AREG: variants seen among roughly 807,000 people sequenced by gnomAD.
AREG encodes amphiregulin B.
In AREG, 16 loss-of-function variants were observed where a neutral mutation model predicts 28.0. The observed-to-expected ratio is 0.57, with a 90% CI of 0.39 to 0.87. AREG has a LOEUF of 0.87. Ranked by LOEUF, AREG falls within the 40% of genes least tolerant of loss-of-function variation. The pLI is 0.00. For missense variants in AREG, 287 were observed against 309.1 expected (o/e 0.93, Z 0.53); for synonymous variants, 113 against 113.5 (o/e 1.00, Z 0.02).
chr4:74,450,546 A>G lies in AREG; in HGVS notation c.665+14A>G, dbSNP rs1281314949. ...TATTACAGTCCAGTAAGTATGACAT[A>G]ACTTACAAATTCTTAATAAAATAAT... On this transcript the variant is annotated intron_variant, in intron 4 of 5. Coordinates refer to ENST00000395748, the MANE Select transcript of AREG (RefSeq NM_001657.4). 6 of 1,612,588 alleles carry G rather than the reference A, an allele frequency of 3.7e-6. No homozygotes were observed. The highest frequency in any genetic ancestry group is 5.1e-6 in the Non-Finnish European group (6 of 1,179,582).
intron 2 of AREG, among the ~76,000 whole-genome samples, chr4:74,447,087 A>G (rs929435326): frequency 6.6e-6 from 1 of 152,216 alleles, no homozygotes; most frequent in Non-Finnish European, 1.5e-5. Context: ...TCTAGGTTCT[A>G]CAGGTGACAA....
At chr4:74,452,017 TAAC>T (rs1279463355) in intron 4 of AREG, among the ~76,000 whole-genome samples, 2 of 152,200 alleles carry the variant, frequency 1.3e-5, no homozygotes, top group Non-Finnish European at 2.9e-5. Flanking sequence ...AAAGACCTCC[TAAC>T]AACAGGGGGT....
intron 3 of AREG, among the ~76,000 whole-genome samples, chr4:74,449,482 A>G (rs902155304): frequency 6.6e-6 from 1 of 152,232 alleles, no homozygotes; most frequent in Admixed American, 6.5e-5. Flanking sequence ...GCAGTGGTTC[A>G]CACCTGTATT....
In AREG at chr4:74,449,268, A is replaced by T. The variant is rs1166002594; in HGVS notation, c.512+20A>T. On this transcript the variant is annotated intron_variant, in intron 3 of 5. Transcript: ENST00000395748. ...ATGCAAGTAAGTTTTCCTAAAGCAT[A>T]TAGAATTTTGTATTTCTAGCACCAT... 1 of 1,613,496 alleles carries T rather than the reference A, an allele frequency of 6.2e-7. No individual in the cohort carries two copies. Among genetic ancestry groups the T allele is most frequent in the African/African-American group, 1.3e-5 (1 of 74,894 alleles).
chr4:74,454,672 A>G (rs1719434532), intron 5 of AREG, 87 bp from the exon 6 acceptor site: 6 of 582,380 alleles, frequency 1.0e-5, no homozygotes, highest in Non-Finnish European at 1.8e-5. Context: ...ATTATGCTTT[A>G]AAGTTTCTTA....
chr4:74,449,069 C>A lies in AREG; in HGVS notation c.333C>A (p.Pro111=), dbSNP rs894068068. ...SVRVEQVVKP[P]QNKTESENTS... is the part of the protein sequence containing the mutation. ...TAGTTGAACAGGTAGTTAAGCCCCC[C>A]CAAAACAAGACGGAAAGTGAAAATA... is the stretch of plus-strand genomic sequence containing the variant. The change falls in exon 3 of 6, where the codon CCC becomes CCA. Residue 111 remains proline (P), a synonymous_variant. Transcript: ENST00000395748. The A allele has an allele frequency of 2.3e-5, 37 of 1,609,496 alleles. No individual in the cohort carries two copies. Among genetic ancestry groups the A allele is most frequent in the East Asian group, 2.0e-4 (9 of 44,694 alleles).
chr4:74,449,934 T>TCTCTCTC, intron 3 of AREG, among the ~76,000 whole-genome samples: 1 of 117,352 alleles, frequency 8.5e-6, no homozygotes, highest in African/African-American at 3.6e-5. Flanking sequence ...CTCTCTCTCT[T>TCTCTCTC]TCTTTCTATA....
rs1186008003 is a variant in AREG at position 74,446,619 on chromosome 4, T to C, written c.147T>C (p.Phe49=). The change falls in exon 2 of 6, where the codon TTT becomes TTC. Residue 49 remains phenylalanine, a synonymous_variant. Transcript: ENST00000395748. ...CTGGGGACCACAGTGCTGATGGATT[T>C]GAGGTTACCTCAAGAAGTGAGATGT... is the stretch of plus-strand genomic sequence containing the variant. ...PFSGDHSADG[F]EVTSRSEMSS... The C allele has an allele frequency of 6.2e-7, 1 of 1,614,000 alleles. No individual in the cohort carries two copies.
rs1285836269 is a variant in AREG at position 74,445,419 on chromosome 4, C to T, written c.61+13C>T. 19 of 1,605,516 alleles carry T rather than the reference C, an allele frequency of 1.2e-5. No homozygotes were observed. Among genetic ancestry groups the T allele is most frequent in the Non-Finnish European group, 1.5e-5 (18 of 1,176,788 alleles). On this transcript the variant is annotated intron_variant, in intron 1 of 5. Coordinates refer to ENST00000395748, the MANE Select transcript of AREG (RefSeq NM_001657.4). ...ATACTCGGCTCAGGTGAGGATTCAC[C>T]GGCGCTGAACTGCTGGGCTCTCCTC...
In AREG at chr4:74,449,067, C is replaced by T. The variant is rs943567737; in HGVS notation, c.331C>T (p.Pro111Ser). Residue 111 changes from proline to serine, a missense_variant, in exon 3 of 6, where the codon CCC becomes TCC. Pro to Ser is a moderately conservative substitution (Grantham distance 74). Coordinates refer to ENST00000395748, the MANE Select transcript of AREG (RefSeq NM_001657.4). ...TTTAGTTGAACAGGTAGTTAAGCCC[C>T]CCCAAAACAAGACGGAAAGTGAAAA... ...SVRVEQVVKP[P>S]QNKTESENTS... 47 of 1,609,328 alleles carry T rather than the reference C, an allele frequency of 2.9e-5. No homozygotes were observed. The highest frequency in any genetic ancestry group is 4.0e-5 in the Non-Finnish European group (47 of 1,179,272).
intron 2 of AREG, 84 bp downstream of exon 2, chr4:74,446,866 C>T (rs1719299889): frequency 6.8e-6 from 11 of 1,606,540 alleles, no homozygotes; most frequent in Non-Finnish European, 9.3e-6. Flanking sequence ...AGCTGCTCCC[C>T]AGATTTTCTA....
At chr4:74,453,538 G>A (rs1346793583) in intron 5 of AREG, among the ~76,000 whole-genome samples, 1 of 152,124 alleles carries the variant, frequency 6.6e-6, no homozygotes, top group Non-Finnish European at 1.5e-5. Flanking sequence ...TCAGAAGAAG[G>A]AACTTTATTT....
At chr4:74,453,749 A>G (rs900996824) in intron 5 of AREG, among the ~76,000 whole-genome samples, 2 of 152,102 alleles carry the variant, frequency 1.3e-5, no homozygotes, top group African/African-American at 4.8e-5. Flanking sequence ...TAAATATACA[A>G]AATTTTCTAA....
chr4:74,452,401 C>T (rs1025346882), intron 4 of AREG, 143 bp from the exon 5 acceptor site: 2 of 880,412 alleles, frequency 2.3e-6, no homozygotes, highest in Non-Finnish European at 3.6e-6. Context: ...TATTTTATAG[C>T]CAGGTTTAGG....
At chr4:74,448,893 T>C (rs1257858650) in intron 2 of AREG, 154 bp from the exon 3 acceptor site, 10 of 1,091,208 alleles carry the variant, frequency 9.2e-6, no homozygotes, top group African/African-American at 1.7e-5. Context: ...ATTAGGGTTA[T>C]GCAGTCCTCT....
intron 2 of AREG, 80 bp downstream of exon 2, chr4:74,446,862 T>C (rs1719299853): frequency 1.2e-6 from 2 of 1,608,766 alleles, no homozygotes; most frequent in African/African-American, 1.4e-5. Flanking sequence ...GTAAAGCTGC[T>C]CCCCAGATTT....
chr4:74,446,467 AAC>A (rs1237581759), intron 1 of AREG, 65 bp from the exon 2 acceptor site: 1 of 1,613,496 alleles, frequency 6.2e-7, no homozygotes, highest in African/African-American at 1.3e-5. Context: ...TTTTCTACCT[AAC>A]ACAGCTGACT....
At chr4:74,450,683 T>A in intron 4 of AREG, 151 bp downstream of exon 4, 1 of 1,248,382 alleles carries the variant, frequency 8.0e-7, no homozygotes, top group Non-Finnish European at 1.1e-6. Flanking sequence ...TTGACAAATA[T>A]CACAGAAAGT....
intron 5 of AREG, among the ~76,000 whole-genome samples, chr4:74,452,957 TG>T (rs1398713046): frequency 6.6e-6 from 1 of 152,022 alleles, no homozygotes; most frequent in African/African-American, 2.4e-5. Context: ...GTAAAATAAA[TG>T]TCATGAGAAA....
Sources: gnomAD v4.1 joint callset for allele counts (sites outside exome capture counted in the v4.1 genomes callset) on GRCh38, gnomAD v4.1.1 for gene constraint, MANE v1.5 for transcripts, NCBI Gene and HGNC (gene_info 2026-07-23, HGNC 2026-07-21) for gene names.